Variants in WWTR1 observed in about 807,000 individuals in gnomAD.
The protein encoded by WWTR1 is WW domain-containing transcription regulator protein 1.
WWTR1 carries 13 observed loss-of-function variants against 40.1 expected under a neutral mutation model. The ratio of observed to expected loss-of-function variants is 0.32; its 90% CI spans 0.21 to 0.52. WWTR1 has a LOEUF of 0.52. Ranked by LOEUF, WWTR1 falls within the 20% of genes least tolerant of loss-of-function variation. WWTR1 has a pLI of 0.97. For synonymous variants in WWTR1, 230 were observed against 210.1 expected (o/e 1.09, Z -0.82); for missense variants, 436 against 523.1 (o/e 0.83, Z 1.63).
chr3:149,675,077 C>T (rs1375970192), intron 1 of WWTR1, among the ~76,000 whole-genome samples: 1 of 152,200 alleles, frequency 6.6e-6, no homozygotes, highest in African/African-American at 2.4e-5. Flanking sequence ...TAGAAGGAAA[C>T]CAGAATCATA....
At chr3:149,626,856 T>C (rs1258156080) in intron 2 of WWTR1, among the ~76,000 whole-genome samples, 3 of 152,212 alleles carry the variant, frequency 2.0e-5, no homozygotes, top group Non-Finnish European at 4.4e-5. Flanking sequence ...TACTCCGTCC[T>C]GAGGCCACCA....
chr3:149,592,723 C>T (rs974492347), intron 2 of WWTR1, among the ~76,000 whole-genome samples: 1 of 152,080 alleles, frequency 6.6e-6, no homozygotes, highest in South Asian at 2.1e-4. Flanking sequence ...AGCTTTTAAT[C>T]GTCCGCTGTA....
chr3:149,563,855 G>A (rs570947691), intron 3 of WWTR1, among the ~76,000 whole-genome samples: 22 of 152,294 alleles, frequency 1.4e-4, no homozygotes, highest in African/African-American at 4.8e-4. Context: ...GGGTTCAAGC[G>A]ATTCTCCTTC....
chr3:149,637,609 C>T (rs1380375569), intron 2 of WWTR1, among the ~76,000 whole-genome samples: 4 of 152,136 alleles, frequency 2.6e-5, no homozygotes, highest in Non-Finnish European at 5.9e-5. Flanking sequence ...AATACAACAC[C>T]AGTTCCATAT....
chr3:149,714,732 G>A (rs1458908393), intron 5 of WWTR1, among the ~76,000 whole-genome samples: 2 of 152,192 alleles, frequency 1.3e-5, no homozygotes, highest in South Asian at 4.1e-4. Context: ...GCCAAGGGGG[G>A]CCTGAAGCCT....
chr3:149,641,832 G>A (rs1712187344), intron 2 of WWTR1, among the ~76,000 whole-genome samples: 3 of 152,160 alleles, frequency 2.0e-5, no homozygotes, highest in East Asian at 1.9e-4. Context: ...TGTACCATAC[G>A]GATTACAGCT....
intron 1 of WWTR1, among the ~76,000 whole-genome samples, chr3:149,688,307 T>C (rs992367748): frequency 1.3e-5 from 2 of 152,024 alleles, no homozygotes; most frequent in African/African-American, 4.8e-5. Flanking sequence ...CAGGCAATAA[T>C]TGACACAGGC....
intron 5 of WWTR1, among the ~76,000 whole-genome samples, chr3:149,526,507 C>T (rs1023195640): frequency 1.3e-5 from 2 of 152,016 alleles, no homozygotes; most frequent in Non-Finnish European, 2.9e-5. Flanking sequence ...GGACACACGC[C>T]AGTTTCTGAA....
intron 2 of WWTR1, among the ~76,000 whole-genome samples, chr3:149,615,333 A>G (rs1486043643): frequency 6.6e-6 from 1 of 152,220 alleles, no homozygotes; most frequent in Non-Finnish European, 1.5e-5. Flanking sequence ...CTCTATACAC[A>G]AAATTATATG....
At chr3:149,550,526 C>T (rs1024199335) in intron 3 of WWTR1, among the ~76,000 whole-genome samples, 1 of 152,010 alleles carries the variant, frequency 6.6e-6, no homozygotes, top group African/African-American at 2.4e-5. Flanking sequence ...TGGCAGAGTA[C>T]TGAATTATAA....
At chr3:149,558,372 G>C (rs936249319) in intron 3 of WWTR1, among the ~76,000 whole-genome samples, 1 of 152,120 alleles carries the variant, frequency 6.6e-6, no homozygotes, top group African/African-American at 2.4e-5. Context: ...TAACTGAGCA[G>C]GTTGGAAATT....
At chr3:149,677,297 C>T (rs1488480906) in intron 1 of WWTR1, among the ~76,000 whole-genome samples, 5 of 152,114 alleles carry the variant, frequency 3.3e-5, no homozygotes, top group Non-Finnish European at 7.4e-5. Flanking sequence ...GCTAAAAATG[C>T]TTTCCTCCCA....
intron 3 of WWTR1, among the ~76,000 whole-genome samples, chr3:149,571,971 A>G (rs1223104481): frequency 2.0e-5 from 3 of 152,190 alleles, no homozygotes; most frequent in Non-Finnish European, 4.4e-5. Context: ...TAGTGGGGAT[A>G]ATTTTAGCAG....
chr3:149,637,794 G>T (rs376593048), intron 2 of WWTR1, among the ~76,000 whole-genome samples: 2 of 152,300 alleles, frequency 1.3e-5, no homozygotes, highest in East Asian at 1.9e-4. Context: ...GTGTAATAAG[G>T]CATTAGACAG....
intron 1 of WWTR1, among the ~76,000 whole-genome samples, chr3:149,671,593 T>C (rs6777824): frequency 0.36 from 54,292 of 152,048 alleles, 10,167 homozygotes; most frequent in Middle Eastern, 0.54. Context: ...GTTATTAATA[T>C]AGATATTTTA....
At chr3:149,633,207 A>C (rs150056275) in intron 2 of WWTR1, among the ~76,000 whole-genome samples, 1 of 152,174 alleles carries the variant, frequency 6.6e-6, no homozygotes, top group Non-Finnish European at 1.5e-5. Context: ...TGGGCAACAT[A>C]GGAAGACCCC....
At chr3:149,670,878 C>T (rs1241034427) in intron 1 of WWTR1, 1 of 152,154 alleles carries the variant, frequency 6.6e-6, no homozygotes, top group Admixed American at 6.5e-5. Context: ...GGCAGATACA[C>T]ATTCTGAAGA....
intron 2 of WWTR1, among the ~76,000 whole-genome samples, chr3:149,600,414 C>A (rs1201558252): frequency 1.3e-5 from 2 of 152,136 alleles, no homozygotes; most frequent in Non-Finnish European, 2.9e-5. Flanking sequence ...AGTCACAGGG[C>A]CAAAAGGGAA....
intron 2 of WWTR1, among the ~76,000 whole-genome samples, chr3:149,605,475 G>A (rs903373720): frequency 1.5e-4 from 23 of 152,282 alleles, no homozygotes; most frequent in Admixed American, 1.1e-3. Flanking sequence ...GAAATAATGG[G>A]TGAGGCAGTA....
Sources: gnomAD v4.1 joint callset for allele counts (sites outside exome capture counted in the v4.1 genomes callset) on GRCh38, gnomAD v4.1.1 for gene constraint, MANE v1.5 for transcripts, NCBI Gene and HGNC (gene_info 2026-07-23, HGNC 2026-07-21) for gene names.